The following NCBP1 variants were observed in gnomAD, a reference collection of about 807,000 sequenced individuals.
NCBP1 encodes the protein nuclear cap-binding protein subunit 1.
Under a neutral mutation model 111.7 loss-of-function variants are expected in NCBP1, and 16 were observed. The ratio of observed to expected loss-of-function variants is 0.14; its 90% CI spans 0.10 to 0.22. NCBP1 has a LOEUF of 0.22. Ranked by LOEUF, NCBP1 falls within the 10% of genes least tolerant of loss-of-function variation. The pLI is 1.00. For synonymous variants in NCBP1, 304 were observed against 314.3 expected, an observed-to-expected ratio of 0.97 and a Z score of 0.35; for missense variants, 607 against 957.5, an observed-to-expected ratio of 0.63 and a Z score of 4.83.
chr9:97,660,470 A>T (rs1323115078), intron 15 of NCBP1, among the ~76,000 whole-genome samples: 1 of 152,200 alleles, frequency 6.6e-6, no homozygotes, highest in Non-Finnish European at 1.5e-5. Flanking sequence ...ACAAAAACAA[A>T]ACCTCTCTGA....
intron 14 of NCBP1, among the ~76,000 whole-genome samples, chr9:97,656,332 A>G (rs916797292): frequency 6.6e-6 from 1 of 152,246 alleles, no homozygotes; most frequent in East Asian, 1.9e-4. Context: ...CTGTAATCCC[A>G]GCACTTTGGG....
At position 97,647,545 on chromosome 9, in the gene NCBP1, C is replaced by T. The variant is rs774123015; in HGVS notation, c.665C>T (p.Pro222Leu). 1.9e-6 allele frequency: 3 copies of T among 1,612,180 alleles called. 1 individual carries two copies. The highest frequency in any genetic ancestry group is 1.7e-4 in the Middle Eastern group (1 of 6,058). ...PMLQVWTADK[P>L]HPQEEYLDCL... ...TTACAGGTATGGACTGCTGATAAACCACATCCACAAGAAGAGGTAAATGGA... is the reference window on the plus strand; with the variant it reads ...TTACAGGTATGGACTGCTGATAAACTACATCCACAAGAAGAGGTAAATGGA... The change falls in exon 7 of 23, where the codon CCA (proline) becomes CTA (leucine). Residue 222 changes from proline to leucine, a missense_variant. Coordinates refer to ENST00000375147, the MANE Select transcript of NCBP1 (RefSeq NM_002486.5).
Position 97,664,438 on chromosome 9 carries a change from T to C in NCBP1, c.1896T>C (p.Phe632=), listed in dbSNP as rs1187110641. The C allele has an allele frequency of 6.3e-7, 1 of 1,588,590 alleles. No homozygotes were observed. The highest frequency in any genetic ancestry group is 8.6e-7 in the Non-Finnish European group (1 of 1,157,522). ...WIFSSELSRD[F]TRLFVWEILH... is the part of the protein sequence containing the mutation. ...TCTCTTCAGAACTATCTCGTGACTTTACCAGGTAATATAAATTATTTTATG... is the reference window on the plus strand; with the variant it reads ...TCTCTTCAGAACTATCTCGTGACTTCACCAGGTAATATAAATTATTTTATG... Residue 632 remains phenylalanine, a synonymous_variant, in exon 19 of 23, where the codon TTT becomes TTC. Coordinates refer to ENST00000375147, the MANE Select transcript of NCBP1 (RefSeq NM_002486.5).
Position 97,669,584 on chromosome 9 carries a change from C to T in NCBP1, c.2146-9C>T, listed in dbSNP as rs1409562535. On this transcript the variant is annotated splice_polypyrimidine_tract_variant and intron_variant, in intron 21 of 22. Transcript: ENST00000375147. ...TGTAGTACTACCTTAACTTCTTCTCCCTTTCCAGCGGTTTATCATGATCTT... is the reference window on the plus strand; with the variant it reads ...TGTAGTACTACCTTAACTTCTTCTCTCTTTCCAGCGGTTTATCATGATCTT... The T allele has an allele frequency of 2.5e-6, 4 of 1,583,176 alleles. No homozygotes were observed. The highest frequency in any genetic ancestry group is 1.1e-5 in the South Asian group (1 of 90,454).
intron 17 of NCBP1, 120 bp from the exon 18 acceptor site, chr9:97,662,834 T>G: frequency 1.4e-6 from 1 of 708,896 alleles, no homozygotes; most frequent in Non-Finnish European, 2.3e-6. Context: ...TGGTTAATAC[T>G]TAGTTATTTT....
At chr9:97,659,125 A>G (rs1827755337) in intron 15 of NCBP1, among the ~76,000 whole-genome samples, 1 of 152,258 alleles carries the variant, frequency 6.6e-6, no homozygotes, top group Non-Finnish European at 1.5e-5. Context: ...GTATGCCTTT[A>G]AAAGTAAATT....
At position 97,647,578 on chromosome 9, in the gene NCBP1, C is replaced by T. The variant is rs771879623; in HGVS notation, c.681+17C>T. ...CAAGAAGAGGTAAATGGATTTCAGTCCCTTGTGATACAAACACAGTCAGCT... is the reference window on the plus strand; with the variant it reads ...CAAGAAGAGGTAAATGGATTTCAGTTCCTTGTGATACAAACACAGTCAGCT... On this transcript the variant is annotated intron_variant, in intron 7 of 22. Coordinates refer to ENST00000375147, the MANE Select transcript of NCBP1 (RefSeq NM_002486.5). The T allele has an allele frequency of 6.3e-6, 10 of 1,587,622 alleles. No individual in the cohort carries two copies. The Admixed American group carries it at 1.7e-4, about 27-fold the overall frequency.
intron 10 of NCBP1, among the ~76,000 whole-genome samples, chr9:97,653,390 G>C (rs1827553885): frequency 6.6e-6 from 1 of 152,162 alleles, no homozygotes; most frequent in African/African-American, 2.4e-5. Flanking sequence ...CAAAGTGCTG[G>C]GATTACAGGC....
At chr9:97,661,293 A>G (rs1465446548) in intron 16 of NCBP1, among the ~76,000 whole-genome samples, 1 of 152,216 alleles carries the variant, frequency 6.6e-6, no homozygotes, top group African/African-American at 2.4e-5. Flanking sequence ...CGTAAATACA[A>G]AGTGAAATAT....
intron 22 of NCBP1, 47 bp downstream of exon 22, chr9:97,669,753 A>G: frequency 7.6e-7 from 1 of 1,317,166 alleles, no homozygotes; most frequent in Non-Finnish European, 1.1e-6. Flanking sequence ...CTCAGCCACA[A>G]AGATTTTTCA....
At chr9:97,669,500 C>T in intron 21 of NCBP1, 93 bp from the exon 22 acceptor site, 2 of 786,196 alleles carry the variant, frequency 2.5e-6, no homozygotes, top group Admixed American at 2.2e-5. Flanking sequence ...CAGGGTGGAA[C>T]AGGCAATACT....
intron 20 of NCBP1, among the ~76,000 whole-genome samples, chr9:97,667,455 C>T (rs74518964): frequency 3.9e-5 from 6 of 152,096 alleles, no homozygotes; most frequent in East Asian, 3.8e-4. Flanking sequence ...AGGAACCTTT[C>T]GCAAGTTTGA....
rs1420480793 is a variant in NCBP1 at position 97,647,474 on chromosome 9, T to C, written c.612-18T>C. On this transcript the variant is annotated intron_variant, in intron 6 of 22. Coordinates refer to ENST00000375147, the MANE Select transcript of NCBP1 (RefSeq NM_002486.5). The stretch of plus-strand genomic sequence containing the variant: ...TGTTTTTAAAAGCCTAAATGTAGAT[T>C]TTCATTTTTATCTTTAGAAGACGCC... 1 of 1,598,278 alleles carries C rather than the reference T, an allele frequency of 6.3e-7. No individual in the cohort carries two copies. The highest frequency in any genetic ancestry group is 8.6e-7 in the Non-Finnish European group (1 of 1,166,846).
intron 1 of NCBP1, 82 bp downstream of exon 1, chr9:97,633,997 C>T (rs1826913734): frequency 1.4e-6 from 2 of 1,405,476 alleles, no homozygotes; most frequent in Admixed American, 2.5e-5. Context: ...ACGGAAGAGA[C>T]TGGAAGCTCT....
intron 1 of NCBP1, among the ~76,000 whole-genome samples, chr9:97,639,480 G>T (rs893831340): frequency 6.6e-6 from 1 of 152,148 alleles, no homozygotes; most frequent in Non-Finnish European, 1.5e-5. Flanking sequence ...AAGTGATTAT[G>T]AACTTTGTAA....
rs762718765 is a variant in NCBP1 at position 97,650,578 on chromosome 9, C to T, written c.973C>T (p.His325Tyr). The change falls in exon 9 of 23, where the codon CAC (histidine) becomes TAC (tyrosine). Residue 325 changes from histidine to tyrosine, a missense_variant. His to Tyr is a moderately conservative substitution (Grantham distance 83). This residue lies in a region of NCBP1 where 53 missense variants were observed against 144.8 expected (regional missense o/e 0.37). Transcript: ENST00000375147. Reference sequence around the variant, plus strand: ...GAATCTTCACTGCATCATTAAGTCCCACTGGAAGGAAAGGAAGACTTGGTA... The same window carrying T: ...GAATCTTCACTGCATCATTAAGTCCTACTGGAAGGAAAGGAAGACTTGGTA... ...EENLHCIIKS[H>Y]WKERKTCAAQ... The T allele has an allele frequency of 2.9e-5, 46 of 1,612,614 alleles. No individual in the cohort carries two copies. Among genetic ancestry groups the T allele is most frequent in the Non-Finnish European group, 3.9e-5 (46 of 1,179,216 alleles).
Position 97,654,903 on chromosome 9 carries a change from A to G in NCBP1, c.1194A>G (p.Leu398=), listed in dbSNP as rs746981723. The G allele has an allele frequency of 1.4e-5, 23 of 1,613,108 alleles. No individual in the cohort carries two copies. Among genetic ancestry groups the G allele is most frequent in the African/African-American group, 2.7e-5 (2 of 74,852 alleles). ...AGCTTGCACAGGCAACTGAAATGCTATACATGCGTTTGGACACAATGAACA... is the reference window on the plus strand; with the variant it reads ...AGCTTGCACAGGCAACTGAAATGCTGTACATGCGTTTGGACACAATGAACA... ...PQVLAQATEM[L]YMRLDTMNTT... is the part of the protein sequence containing the mutation. Residue 398 remains leucine, a synonymous_variant, in exon 12 of 23, where the codon CTA becomes CTG. Coordinates refer to ENST00000375147, the MANE Select transcript of NCBP1 (RefSeq NM_002486.5).
intron 14 of NCBP1, among the ~76,000 whole-genome samples, chr9:97,656,542 C>T (rs566503756): frequency 6.6e-4 from 101 of 152,232 alleles, no homozygotes; most frequent in African/African-American, 2.1e-3. Context: ...CAGAGCGACA[C>T]TCTTATCTCA....
chr9:97,658,583 T>G, intron 14 of NCBP1, 57 bp from the exon 15 acceptor site: 1 of 1,318,038 alleles, frequency 7.6e-7, no homozygotes, highest in Non-Finnish European at 1.1e-6. Context: ...AAGTCGGGTG[T>G]TACCGAAGAA....
Sources: gnomAD v4.1 joint callset for allele counts (sites outside exome capture counted in the v4.1 genomes callset) on GRCh38, gnomAD v4.1.1 for gene constraint, gnomAD v4.1.1 regional missense constraint, MANE v1.5 for transcripts, NCBI Gene and HGNC (gene_info 2026-07-23, HGNC 2026-07-21) for gene names.